The following ARL14EP variants were observed in gnomAD, a reference collection of about 807,000 sequenced individuals.
ARL14EP encodes ARF like GTPase 14 effector protein.
ARL14EP carries 12 observed loss-of-function variants against 23.1 expected under a neutral mutation model. That is an observed-to-expected ratio of 0.52 (90% CI 0.33 to 0.84). The LOEUF (loss-of-function observed/expected upper bound fraction) is 0.84. Among genes scored for constraint, ARL14EP ranks in the 40% least tolerant of loss-of-function variants. The pLI is 0.02. For synonymous variants in ARL14EP, 97 were observed against 102.0 expected (o/e 0.95, Z 0.29); for missense variants, 253 against 307.3 (o/e 0.82, Z 1.32).
At chr11:30,324,320 A>G (rs1481577869) in intron 1 of ARL14EP, among the ~76,000 whole-genome samples, 1 of 152,188 alleles carries the variant, frequency 6.6e-6, no homozygotes, top group Non-Finnish European at 1.5e-5. Flanking sequence ...CAGTTGACCT[A>G]AAAACGAAGT....
At chr11:30,323,635 T>C (rs771308088) in intron 1 of ARL14EP, among the ~76,000 whole-genome samples, 1 of 152,192 alleles carries the variant, frequency 6.6e-6, no homozygotes, top group Non-Finnish European at 1.5e-5. Flanking sequence ...TATTTTTCCA[T>C]CCCGGTACCA....
chr11:30,335,955 T>C (rs1190585825), intron 3 of ARL14EP, among the ~76,000 whole-genome samples: 2 of 152,120 alleles, frequency 1.3e-5, no homozygotes, highest in Non-Finnish European at 2.9e-5. Flanking sequence ...GAAATAGAAA[T>C]GCAGTTCTGT....
chr11:30,336,723 T>C lies in ARL14EP; in HGVS notation c.711T>C (p.Cys237=), dbSNP rs1173823843. 2 of 1,614,194 alleles carry C rather than the reference T, an allele frequency of 1.2e-6. No homozygotes were observed. The highest frequency in any genetic ancestry group is 8.5e-7 in the Non-Finnish European group (1 of 1,180,040). ...CCAAGTGTGGAGCTGAATGCCGCTG[T>C]GACCGCAAGTGGCTGTATGAGCAAA... ...GSTKCGAECR[C]DRKWLYEQIE... Residue 237 remains cysteine, a synonymous_variant, in exon 4 of 4, where the codon TGT becomes TGC. Coordinates refer to ENST00000282032, the MANE Select transcript of ARL14EP (RefSeq NM_152316.3).
chr11:30,337,046 AT>A lies in ARL14EP; in HGVS notation c.*252del. On this transcript the variant is annotated 3_prime_UTR_variant, in exon 4 of 4. Transcript: ENST00000282032. ...AGGGTGTAGGCAGTCCTCTATTTGC[AT>A]GTTTCCCATGGGCACAAATTTCAGT... 2.3e-6 allele frequency: 1 copy of A among 437,132 alleles called. No individual in the cohort carries two copies. The highest frequency in any genetic ancestry group is 4.1e-6 in the Non-Finnish European group (1 of 242,538). The allele number at this position is 437,132 out of a possible 1,614,324, so 27.1% of individuals were successfully genotyped here.
At chr11:30,331,676 G>A (rs1947285079) in intron 2 of ARL14EP, 1 of 1,191,300 alleles carries the variant, frequency 8.4e-7, no homozygotes, top group African/African-American at 1.6e-5. Context: ...CCAGGATTTA[G>A]TTTCTTTTCT....
Position 30,335,672 on chromosome 11 carries a change from C to CAT in ARL14EP, c.555-893_555-892dup, listed in dbSNP as rs375588326. ...AATAGAGCATTTTTAAATTAAGGTA[C>CAT]ATACATTTTTTTCTTAGACATAAGG... On this transcript the variant is annotated intron_variant, in intron 3 of 3. Transcript: ENST00000282032. Among the ~76,000 whole-genome samples the CAT allele has an allele frequency of 4.5e-3, 678 of 152,126 alleles. 5 individuals carry two copies. Among genetic ancestry groups the CAT allele is most frequent in the African/African-American group, 0.015 (637 of 41,482 alleles).
At chr11:30,330,608 T>G (rs1319744747) in intron 1 of ARL14EP, 6 of 236,984 alleles carry the variant, frequency 2.5e-5, no homozygotes, top group Non-Finnish European at 5.0e-5. Flanking sequence ...TTAAACCTCT[T>G]GTATTTCTCA....
intron 3 of ARL14EP, among the ~76,000 whole-genome samples, chr11:30,335,107 A>G (rs1947321281): frequency 6.6e-6 from 1 of 152,344 alleles, no homozygotes; most frequent in Middle Eastern, 3.4e-3. Context: ...TCGAGTCCTC[A>G]TGGATGACTT....
At chr11:30,332,676 C>A (rs1590668672) in intron 2 of ARL14EP, among the ~76,000 whole-genome samples, 190 bp from the exon 3 acceptor site, 1 of 152,150 alleles carries the variant, frequency 6.6e-6, no homozygotes, top group East Asian at 1.9e-4. Flanking sequence ...ATACATTAAC[C>A]AATATGCTTT....
chr11:30,324,252 AT>A (rs1249936426), intron 1 of ARL14EP, among the ~76,000 whole-genome samples: 3 of 152,082 alleles, frequency 2.0e-5, no homozygotes, highest in Non-Finnish European at 2.9e-5. Context: ...AAAGCCTTTA[AT>A]TTTTTTCATA....
At chr11:30,327,537 A>T (rs919278750) in intron 1 of ARL14EP, among the ~76,000 whole-genome samples, 2 of 152,186 alleles carry the variant, frequency 1.3e-5, no homozygotes, top group African/African-American at 4.8e-5. Flanking sequence ...AAAAAGTTCC[A>T]TTATAGATCT....
In ARL14EP at chr11:30,331,085, C is replaced by T; in HGVS notation, c.137C>T (p.Thr46Ile). The change falls in exon 2 of 4, where the codon ACT (threonine) becomes ATT (isoleucine). Residue 46 changes from threonine (T) to isoleucine (I), a missense_variant. Transcript: ENST00000282032. ...SNDMLLLQLR[T>I]GMTLSGNNTI... ...GATATGCTTTTACTTCAACTTAGAACTGGAATGACACTTTCTGGGAACAAT... is the reference window on the plus strand; with the variant it reads ...GATATGCTTTTACTTCAACTTAGAATTGGAATGACACTTTCTGGGAACAAT... 6.2e-7 allele frequency: 1 copy of T among 1,613,906 alleles called. No homozygotes were observed. Among genetic ancestry groups the T allele is most frequent in the Non-Finnish European group, 8.5e-7 (1 of 1,179,844 alleles).
At chr11:30,324,375 A>G (rs1333775864) in intron 1 of ARL14EP, among the ~76,000 whole-genome samples, 2 of 152,156 alleles carry the variant, frequency 1.3e-5, no homozygotes, top group Admixed American at 1.3e-4. Flanking sequence ...TACTTTTCCC[A>G]CTAATAAGGA....
intron 3 of ARL14EP, 78 bp downstream of exon 3, chr11:30,333,071 T>C (rs1365231827): frequency 6.4e-7 from 1 of 1,567,226 alleles, no homozygotes; most frequent in African/African-American, 1.4e-5. Flanking sequence ...TCTTAAATTT[T>C]GAATTTTCTG....
intron 1 of ARL14EP, among the ~76,000 whole-genome samples, chr11:30,323,449 G>C (rs1047071117): frequency 6.6e-6 from 1 of 152,204 alleles, no homozygotes; most frequent in Non-Finnish European, 1.5e-5. Context: ...CCTCTCTGAG[G>C]GTCGTCGCCT....
At chr11:30,332,719 C>G (rs1420188961) in intron 2 of ARL14EP, 147 bp from the exon 3 acceptor site, 1 of 864,202 alleles carries the variant, frequency 1.2e-6, no homozygotes, top group Non-Finnish European at 1.7e-6. Context: ...AATTTTCTTG[C>G]ACTTAGGCTC....
In ARL14EP at chr11:30,330,885, G is replaced by C; in HGVS notation, c.-63-1G>C. On this transcript the variant is annotated splice_acceptor_variant, in intron 1 of 3. Coordinates refer to ENST00000282032, the MANE Select transcript of ARL14EP (RefSeq NM_152316.3). LOFTEE classifies it low-confidence loss of function (5UTR_SPLICE). Reference sequence around the variant, plus strand: ...TTGATTCTCTTTAATATTTTCTCTAGGGTGATCAGCCCATGACCTAAACCT... The same window carrying C: ...TTGATTCTCTTTAATATTTTCTCTACGGTGATCAGCCCATGACCTAAACCT... The C allele has an allele frequency of 6.7e-7, 1 of 1,481,532 alleles. No individual in the cohort carries two copies. 91.8% of individuals were successfully genotyped at this position (1,481,532 alleles called of 1,614,324 possible).
At chr11:30,336,481 A>C in intron 3 of ARL14EP, 86 bp from the exon 4 acceptor site, 2 of 1,196,132 alleles carry the variant, frequency 1.7e-6, no homozygotes, top group East Asian at 5.3e-5. Context: ...AAAATATTTT[A>C]TCTCCTTTTT....
chr11:30,326,871 C>T (rs1167455017), intron 1 of ARL14EP, among the ~76,000 whole-genome samples: 1 of 152,024 alleles, frequency 6.6e-6, no homozygotes, highest in East Asian at 1.9e-4. Flanking sequence ...ATTAGTTTGC[C>T]GCTGAATTTT....
Sources: allele counts gnomAD v4.1 joint callset (sites outside exome capture counted in the v4.1 genomes callset), GRCh38; gene constraint gnomAD v4.1.1; transcripts MANE v1.5; gene names NCBI Gene and HGNC (gene_info 2026-07-23, HGNC 2026-07-21).